The following TTLL1 variants were observed in gnomAD, a reference collection of about 807,000 sequenced individuals.
The protein encoded by TTLL1 is TTL family tubulin polyglutamylase complex subunit L1, also known as polyglutamylase complex subunit TTLL1.
TTLL1 carries 33 observed loss-of-function variants against 47.8 expected under a neutral mutation model. That is an observed-to-expected ratio of 0.69 (90% confidence interval 0.52 to 0.92). The LOEUF (loss-of-function observed/expected upper bound fraction) is 0.92. Ranked by LOEUF, TTLL1 falls within the 40% of genes least tolerant of loss-of-function variation. The pLI is 0.00. For synonymous variants in TTLL1, 225 were observed against 214.1 expected (o/e 1.05, Z -0.45); for missense variants, 488 against 547.5 (o/e 0.89, Z 1.08).
At chr22:43,086,023 G>A (rs766721358) in intron 1 of TTLL1, among the ~76,000 whole-genome samples, 15 of 152,234 alleles carry the variant, frequency 9.9e-5, no homozygotes, top group Non-Finnish European at 1.6e-4. Flanking sequence ...GCCCCACAGT[G>A]TGGAAGAATG....
At position 43,063,880 on chromosome 22, in the gene TTLL1, G is replaced by C. The variant is rs1275968114; in HGVS notation, c.680C>G (p.Thr227Ser). The C allele has an allele frequency of 2.5e-6, 4 of 1,614,026 alleles. No homozygotes were observed. In the African/African-American group the frequency reaches 5.3e-5, roughly 22 times the overall value. ...GFCRFCTVKY[T>S]PSTSELDNMF... ...GTTGTCCAGCTCACTGGTACTCGGGGTGTATTTCACTGTGCAGAACCGGCA... is the reference window on the plus strand; with the variant it reads ...GTTGTCCAGCTCACTGGTACTCGGGCTGTATTTCACTGTGCAGAACCGGCA... The change falls in exon 7 of 11, where the codon ACC becomes AGC. Residue 227 changes from threonine to serine, a missense_variant. Transcript: ENST00000266254.
At chr22:43,048,729 G>A (rs965438906) in intron 9 of TTLL1, among the ~76,000 whole-genome samples, 5 of 151,764 alleles carry the variant, frequency 3.3e-5, no homozygotes, top group African/African-American at 9.7e-5. Context: ...CTTGAGGTCC[G>A]GGTTCAAGAC....
chr22:43,051,060 A>G (rs904940637), intron 9 of TTLL1, among the ~76,000 whole-genome samples: 6 of 152,208 alleles, frequency 3.9e-5, no homozygotes, highest in African/African-American at 1.4e-4. Flanking sequence ...TGTGACCGAG[A>G]TGAAGGGCCC....
chr22:43,065,287 T>C (rs935647824), intron 5 of TTLL1, among the ~76,000 whole-genome samples: 7 of 152,052 alleles, frequency 4.6e-5, no homozygotes, highest in African/African-American at 1.7e-4. Flanking sequence ...TGCCAATTTT[T>C]ATTTATATAT....
At chr22:43,079,184 C>A (rs1928712939) in intron 2 of TTLL1, among the ~76,000 whole-genome samples, 1 of 119,824 alleles carries the variant, frequency 8.3e-6, no homozygotes, top group African/African-American at 3.0e-5. Context: ...CACCCACAGA[C>A]ACGGGGACCA....
At chr22:43,053,884 T>C (rs1196183055) in intron 8 of TTLL1, among the ~76,000 whole-genome samples, 4 of 152,154 alleles carry the variant, frequency 2.6e-5, no homozygotes, top group Admixed American at 2.6e-4. Flanking sequence ...CAGCTAACTT[T>C]TTCTCAAAGA....
chr22:43,084,687 G>C (rs1417943552), intron 1 of TTLL1, among the ~76,000 whole-genome samples: 1 of 151,972 alleles, frequency 6.6e-6, no homozygotes, highest in Non-Finnish European at 1.5e-5. Context: ...ATTTTTAGTA[G>C]AGATGGGGTT....
intron 1 of TTLL1, among the ~76,000 whole-genome samples, chr22:43,083,694 C>A (rs1269591486): frequency 1.3e-5 from 2 of 150,512 alleles, no homozygotes; most frequent in Non-Finnish European, 3.0e-5. Context: ...CACCATTGCA[C>A]TGCAGCCTGG....
In TTLL1 at chr22:43,064,340, A is replaced by G; in HGVS notation, c.504-16T>C. On this transcript the variant is annotated splice_polypyrimidine_tract_variant and intron_variant, in intron 5 of 10. Coordinates refer to ENST00000266254, the MANE Select transcript of TTLL1 (RefSeq NM_012263.5). ...AGACACAAACCTAAACATGGCAGAG[A>G]AAGTAAAAATTAGATGGTAAAAGAT... The G allele has an allele frequency of 6.2e-7, 1 of 1,604,908 alleles. No homozygotes were observed. The highest frequency in any genetic ancestry group is 8.5e-7 in the Non-Finnish European group (1 of 1,176,210).
At chr22:43,084,547 G>C (rs1000479128) in intron 1 of TTLL1, among the ~76,000 whole-genome samples, 3 of 151,980 alleles carry the variant, frequency 2.0e-5, no homozygotes, top group Non-Finnish European at 4.4e-5. Flanking sequence ...AATCGCCCAG[G>C]CTGGAGTGCA....
chr22:43,044,599 AC>A (rs1236423879), intron 10 of TTLL1, among the ~76,000 whole-genome samples: 1 of 152,090 alleles, frequency 6.6e-6, no homozygotes, highest in African/African-American at 2.4e-5. Flanking sequence ...ATCCTAACAC[AC>A]CTACTCCTCC....
intron 8 of TTLL1, among the ~76,000 whole-genome samples, chr22:43,055,210 G>C (rs560795476): frequency 6.6e-6 from 1 of 152,116 alleles, no homozygotes; most frequent in South Asian, 2.1e-4. Flanking sequence ...TTTTAGTAGA[G>C]ATGGGGTTTC....
rs748511178 is a variant in TTLL1, at chr22:43,059,425, C to T, written c.850G>A (p.Glu284Lys). The change falls in exon 8 of 11, where the codon GAG (glutamate) becomes AAG (lysine). Residue 284 changes from glutamate (E) to lysine (K), a missense_variant. Coordinates refer to ENST00000266254, the MANE Select transcript of TTLL1 (RefSeq NM_012263.5). ...GACTGCACGATGATCCAGTGGATCT[C>T]GTCGAACAGCTTGCTGGTCACCTCC... ...GKEVTSKLFD[E>K]IHWIIVQSLK... 4.2e-5 allele frequency: 67 copies of T among 1,613,886 alleles called. No individual in the cohort carries two copies. The highest frequency in any genetic ancestry group is 5.3e-5 in the African/African-American group (4 of 74,918).
chr22:43,045,486 T>TTC (rs2146958654), intron 10 of TTLL1, among the ~76,000 whole-genome samples: 1 of 149,516 alleles, frequency 6.7e-6, no homozygotes, highest in East Asian at 2.0e-4. Context: ...TTTTTTTTTT[T>TTC]TTTTTGTAGA....
chr22:43,048,336 A>G (rs1213190745), intron 9 of TTLL1, among the ~76,000 whole-genome samples: 1 of 151,760 alleles, frequency 6.6e-6, no homozygotes, highest in Non-Finnish European at 1.5e-5. Context: ...GAAAGAAAAA[A>G]AAAAAGAATT....
chr22:43,067,546 C>A (rs1487164471), intron 5 of TTLL1, among the ~76,000 whole-genome samples: 1 of 152,200 alleles, frequency 6.6e-6, no homozygotes, highest in Admixed American at 6.5e-5. Flanking sequence ...CTACACCCTT[C>A]TTCATGGCCT....
chr22:43,052,116 A>G (rs1295907780), intron 8 of TTLL1: 6 of 532,078 alleles, frequency 1.1e-5, no homozygotes, highest in Non-Finnish European at 1.7e-5. Flanking sequence ...CGTAATGGGC[A>G]TCTCTGCGTC....
chr22:43,060,854 C>G (rs78177311), intron 7 of TTLL1, among the ~76,000 whole-genome samples: 1 of 152,182 alleles, frequency 6.6e-6, no homozygotes, highest in South Asian at 2.1e-4. Context: ...ACTAACTCTT[C>G]GAGCAAACAC....
intron 1 of TTLL1, among the ~76,000 whole-genome samples, chr22:43,085,308 A>G (rs1436304617): frequency 6.6e-6 from 1 of 152,150 alleles, no homozygotes; most frequent in Non-Finnish European, 1.5e-5. Context: ...AGCATGTGTC[A>G]GGTACTGGGT....
Sources: gnomAD v4.1 joint callset for allele counts (sites outside exome capture counted in the v4.1 genomes callset) on GRCh38, gnomAD v4.1.1 for gene constraint, MANE v1.5 for transcripts, NCBI Gene and HGNC (gene_info 2026-07-23, HGNC 2026-07-21) for gene names.